The following ECE1 variants were observed in gnomAD, a reference collection of about 807,000 sequenced individuals.
ECE1 encodes endothelin-converting enzyme 1.
ECE1 carries 35 observed loss-of-function variants against 98.6 expected under a neutral mutation model. The ratio of observed to expected loss-of-function variants is 0.35; its 90% CI spans 0.27 to 0.47. ECE1 has a LOEUF of 0.47. ECE1 is among the 20% of genes least tolerant of loss of function. The pLI, the probability that ECE1 is intolerant of heterozygous loss-of-function variation, is 1.00. For missense variants in ECE1, 814 were observed against 1,025.3 expected (o/e 0.79, Z 2.81); for synonymous variants, 394 against 407.1 (o/e 0.97, Z 0.39).
In ECE1 at chr1:21,220,634, T is replaced by C. The variant is rs2098166147; in HGVS notation, c.2137-503A>G. On this transcript the variant is annotated intron_variant, in intron 18 of 18. Coordinates refer to ENST00000374893, the MANE Select transcript of ECE1 (RefSeq NM_001397.3). The surrounding 1 kb of genome is among the most constrained non-coding windows in gnomAD (Gnocchi z 5.0). ...AAACATGGTGAAACCCTGTCTCTAC[T>C]AAAAATACAAAAATTAGATGGGCGT... 6.6e-6 allele frequency among the ~76,000 whole-genome samples: 1 copy of C among 151,976 alleles called. No individual in the cohort carries two copies. The highest frequency in any genetic ancestry group is 2.4e-5 in the African/African-American group (1 of 41,382).
chr1:21,240,957 T>C (rs1250205255), intron 10 of ECE1, among the ~76,000 whole-genome samples: 1 of 152,260 alleles, frequency 6.6e-6, no homozygotes, highest in Non-Finnish European at 1.5e-5. Flanking sequence ...ATCCTGACTG[T>C]GCTAGGTCTT....
intron 1 of ECE1, among the ~76,000 whole-genome samples, chr1:21,302,927 C>T (rs979526916): frequency 1.4e-4 from 22 of 152,208 alleles, no homozygotes; most frequent in African/African-American, 5.3e-4. Context: ...TGGGCCTGGG[C>T]TGGCTGATTT....
intron 1 of ECE1, among the ~76,000 whole-genome samples, chr1:21,325,214 C>T (rs979322900): frequency 2.6e-5 from 4 of 152,176 alleles, no homozygotes; most frequent in African/African-American, 9.6e-5. Flanking sequence ...GGACCACCAA[C>T]CTGGTACCTG....
intron 16 of ECE1, among the ~76,000 whole-genome samples, chr1:21,226,421 T>C (rs945107533): frequency 7.2e-5 from 11 of 152,122 alleles, no homozygotes; most frequent in African/African-American, 2.7e-4. Flanking sequence ...CTTGCTAAAC[T>C]TCATATAATC....
intron 1 of ECE1, among the ~76,000 whole-genome samples, chr1:21,304,978 AC>A (rs1425699242): frequency 1.6e-4 from 25 of 152,186 alleles, no homozygotes; most frequent in African/African-American, 6.0e-4. Flanking sequence ...GTCCCTGCTT[AC>A]GTTTGAGTTT....
rs772461983 is a variant in ECE1, at chr1:21,256,176, C to A, written c.829-38G>T. 2.5e-6 allele frequency: 4 copies of A among 1,573,490 alleles called. No homozygotes were observed. In the East Asian group the frequency reaches 9.0e-5, roughly 36 times the overall value. ...TACCCCAAACTGTCAGTGGCTGCCC[C>A]CCCACTATCCACTGGACGAGAGTTG... On this transcript the variant is annotated intron_variant, in intron 7 of 18. Transcript: ENST00000374893.
rs577977055 is a variant in ECE1, at chr1:21,337,274, C to A, written c.3+8102G>T. Among the ~76,000 whole-genome samples the A allele has an allele frequency of 9.2e-5, 14 of 152,162 alleles. 1 individual carries two copies. The highest frequency in any genetic ancestry group is 5.9e-4 in the Admixed American group (9 of 15,274). ...AAAAAGGAGCAGATGCTGGTACAGG[C>A]GACACGGACAAACCTCAAACATTCC... is the stretch of plus-strand genomic sequence containing the variant. On this transcript the variant is annotated intron_variant, in intron 1 of 18. Transcript: ENST00000415912.
chr1:21,261,374 C>T (rs1396575309), intron 4 of ECE1, among the ~76,000 whole-genome samples: 2 of 152,248 alleles, frequency 1.3e-5, no homozygotes, highest in South Asian at 2.1e-4. Context: ...TGTATCCATC[C>T]ACCCTCTGAC....
chr1:21,236,645 G>T, intron 12 of ECE1, 101 bp downstream of exon 12: 1 of 1,173,456 alleles, frequency 8.5e-7, no homozygotes, highest in Non-Finnish European at 1.3e-6. Context: ...ACGAAACTCT[G>T]CCTCAAAAAA....
chr1:21,297,024 G>A (rs1288309761), intron 1 of ECE1, among the ~76,000 whole-genome samples: 3 of 152,190 alleles, frequency 2.0e-5, no homozygotes, highest in African/African-American at 7.2e-5. Context: ...AGGAGGTCAA[G>A]GTTGCTAACT....
intron 1 of ECE1, among the ~76,000 whole-genome samples, chr1:21,305,788 C>A (rs144254310): frequency 7.4e-4 from 113 of 152,350 alleles, no homozygotes; most frequent in Middle Eastern, 3.4e-3. Context: ...CGTTCGCCCC[C>A]ATGCCTGGTG....
intron 1 of ECE1, among the ~76,000 whole-genome samples, chr1:21,341,615 C>A (rs1639400221): frequency 6.6e-6 from 1 of 152,220 alleles, no homozygotes; most frequent in African/African-American, 2.4e-5. Context: ...AAGGTAACAA[C>A]ATCCTTGTTT....
Position 21,345,177 on chromosome 1 carries a change from G to T in ECE1, c.3+199C>A. The T allele has an allele frequency of 1.5e-6, 1 of 658,028 alleles. No homozygotes were observed. Among genetic ancestry groups the T allele is most frequent in the Non-Finnish European group, 2.0e-6 (1 of 498,478 alleles). The allele number at this position is 658,028 out of a possible 1,614,324, so 40.8% of individuals were successfully genotyped here. On this transcript the variant is annotated intron_variant, in intron 1 of 18. Transcript: ENST00000415912. The surrounding 1 kb of genome is among the most constrained non-coding windows in gnomAD (Gnocchi z 5.1). ...GCGGCCGCCCCCGACGGGACCAAGC[G>T]CAGCGCCGCCGGGAGAGCCGCGCTC...
chr1:21,240,792 T>G (rs893415517), intron 10 of ECE1, among the ~76,000 whole-genome samples: 3 of 152,218 alleles, frequency 2.0e-5, no homozygotes, highest in African/African-American at 7.2e-5. Context: ...GGGACTCTAA[T>G]TTGAAGCTCC....
At chr1:21,341,444 A>G (rs141798962) in intron 1 of ECE1, among the ~76,000 whole-genome samples, 1 of 152,360 alleles carries the variant, frequency 6.6e-6, no homozygotes, top group Non-Finnish European at 1.5e-5. Context: ...TTCCTCTCTC[A>G]CCGTAGACAT....
At chr1:21,324,916 T>A (rs1639044839) in intron 1 of ECE1, among the ~76,000 whole-genome samples, 1 of 152,186 alleles carries the variant, frequency 6.6e-6, no homozygotes, top group South Asian at 2.1e-4. Flanking sequence ...GCTGACTCAC[T>A]GCCACCTGGA....
At chr1:21,270,334 C>T (rs138766295) in intron 4 of ECE1, among the ~76,000 whole-genome samples, 50 of 152,378 alleles carry the variant, frequency 3.3e-4, no homozygotes, top group African/African-American at 1.1e-3. Flanking sequence ...GGCGGACATC[C>T]GTGTCTCTCC....
chr1:21,290,391 C>CG lies in ECE1; in HGVS notation c.23dup (p.Val9GlyfsTer116). 2.4e-6 allele frequency: 3 copies of CG among 1,237,744 alleles called. No individual in the cohort carries two copies. Among genetic ancestry groups the CG allele is most frequent in the Non-Finnish European group, 3.0e-6 (3 of 992,850 alleles). The allele number at this position is 1,237,744 out of a possible 1,614,324, so 76.7% of individuals were successfully genotyped here. A position where few individuals can be genotyped will look rare whatever the true frequency, so the allele number is the denominator to read the frequency against. ...CCAGCGCCGACAGCAGGGCGGACAC[C>CG]GGGGGCGGCCACACGCCCCGCATGC... On this transcript the variant is annotated frameshift_variant, in exon 1 of 19. Transcript: ENST00000374893. LOFTEE classifies it high-confidence loss of function. The surrounding 1 kb of genome is among the most constrained non-coding windows in gnomAD (Gnocchi z 7.3).
Position 21,322,149 on chromosome 1 carries a change from C to T in ECE1, c.3+23227G>A, listed in dbSNP as rs1638978558. The stretch of plus-strand genomic sequence containing the variant: ...GAGCTGGAACAACTTCTGAAGTCAG[C>T]ATTATATGCCCCTTTTACAGATGAA... On this transcript the variant is annotated intron_variant, in intron 1 of 18. Transcript: ENST00000415912. This position sits in a 1 kb window ranked among gnomAD's most constrained non-coding sequence, Gnocchi z 4.1. Among the ~76,000 whole-genome samples, 1 of 152,152 alleles carries T rather than the reference C, an allele frequency of 6.6e-6. No homozygotes were observed. The highest frequency in any genetic ancestry group is 1.5e-5 in the Non-Finnish European group (1 of 68,038).
Sources: gnomAD v4.1 joint callset for allele counts (sites outside exome capture counted in the v4.1 genomes callset) on GRCh38, gnomAD v4.1.1 for gene constraint, Gnocchi (gnomAD v3.1) non-coding constraint, MANE v1.5 for transcripts, NCBI Gene and HGNC (gene_info 2026-07-23, HGNC 2026-07-21) for gene names.